The following MYO18B variants were observed in gnomAD, a reference collection of about 807,000 sequenced individuals.
MYO18B encodes myosin XVIIIB.
A neutral mutation model predicts 273.0 loss-of-function variants in MYO18B; 204 were observed. That is an observed-to-expected ratio of 0.75 (90% CI 0.67 to 0.84). The LOEUF is 0.84. Ranked by LOEUF, MYO18B falls within the 40% of genes least tolerant of loss-of-function variation. MYO18B has a pLI of 0.00. For synonymous variants in MYO18B, 1,330 were observed against 1,305.7 expected, an observed-to-expected ratio of 1.02 and a Z score of -0.40; for missense variants, 3,212 against 3,287.6, an observed-to-expected ratio of 0.98 and a Z score of 0.56.
the MYO18B span, among the ~76,000 whole-genome samples, chr22:26,043,511 C>CTTTT: frequency 6.5e-5 from 8 of 122,990 alleles, no homozygotes; most frequent in Non-Finnish European, 1.2e-4. Flanking sequence ...TTTTTTCTTT[C>CTTTT]TTTTTTTTTT....
chr22:26,020,775 G>A (rs1434779244), intron 42 of MYO18B, among the ~76,000 whole-genome samples: 2 of 152,086 alleles, frequency 1.3e-5, no homozygotes, highest in Non-Finnish European at 2.9e-5. Context: ...TCTTACACCT[G>A]TGCAAGTTCA....
At chr22:26,061,032 A>C in the MYO18B span, among the ~76,000 whole-genome samples, 1 of 103,390 alleles carries the variant, frequency 9.7e-6, no homozygotes. Flanking sequence ...CACACAATTC[A>C]GTCAGCATCT....
intron 40 of MYO18B, among the ~76,000 whole-genome samples, chr22:26,001,184 A>G (rs367606378): frequency 1.3e-5 from 2 of 152,030 alleles, no homozygotes; most frequent in South Asian, 2.1e-4. Flanking sequence ...CATATAAACT[A>G]TTGGCCTAGT....
At chr22:25,935,259 G>A (rs1488085676) in intron 34 of MYO18B, among the ~76,000 whole-genome samples, 1 of 152,206 alleles carries the variant, frequency 6.6e-6, no homozygotes, top group African/African-American at 2.4e-5. Flanking sequence ...AGGTCAGGAG[G>A]AGAGTGAGCA....
chr22:25,921,500 C>G, intron 34 of MYO18B, 91 bp downstream of exon 34: 1 of 1,451,854 alleles, frequency 6.9e-7, no homozygotes, highest in Non-Finnish European at 9.3e-7. Context: ...TGAGCGGAAC[C>G]ATGGTGCCAA....
chr22:26,030,245 C>T (rs1601878479), intron 43 of MYO18B, among the ~76,000 whole-genome samples, 198 bp from the exon 44 acceptor site: 3 of 152,288 alleles, frequency 2.0e-5, no homozygotes, highest in South Asian at 2.1e-4. Flanking sequence ...GGTGTAGTGA[C>T]ATGCACCTGT....
At chr22:26,015,095 A>G (rs1309313640) in intron 42 of MYO18B, among the ~76,000 whole-genome samples, 1 of 152,134 alleles carries the variant, frequency 6.6e-6, no homozygotes, top group East Asian at 1.9e-4. Context: ...CTTTGGTTGC[A>G]ATTGCTTTTG....
At position 26,027,443 on chromosome 22, in the gene MYO18B, C is replaced by T; in HGVS notation, c.7469C>T (p.Thr2490Ile). 6.2e-7 allele frequency: 1 copy of T among 1,614,002 alleles called. No individual in the cohort carries two copies. The highest frequency in any genetic ancestry group is 8.5e-7 in the Non-Finnish European group (1 of 1,179,892). The change falls in exon 43 of 44, where the codon ACC becomes ATC. Residue 2490 changes from threonine (T) to isoleucine (I), a missense_variant. Coordinates refer to ENST00000335473, the MANE Select transcript of MYO18B (RefSeq NM_032608.7). This position sits in a 1 kb window ranked among gnomAD's most constrained non-coding sequence, Gnocchi z 4.1. ...CGTTCCTTTCTCTCGGGGATCAAGACCATTTTGAAGAAGAGCCCGGAGCCC... is the reference window on the plus strand; with the variant it reads ...CGTTCCTTTCTCTCGGGGATCAAGATCATTTTGAAGAAGAGCCCGGAGCCC... ...ANRSFLSGIK[T>I]ILKKSPEPKE...
At chr22:25,798,189 G>A (rs775171144) in intron 12 of MYO18B, 92 bp downstream of exon 12, 28 of 1,413,392 alleles carry the variant, frequency 2.0e-5, no homozygotes, top group Non-Finnish European at 2.6e-5. Context: ...GTGGGAACAG[G>A]GTCAATCTGT....
chr22:25,766,293 C>T (rs556386460), intron 3 of MYO18B, among the ~76,000 whole-genome samples: 84 of 151,926 alleles, frequency 5.5e-4, no homozygotes, highest in African/African-American at 1.9e-3. Context: ...GTTGTTCCTT[C>T]GGAGGATTAA....
At chr22:25,820,315 C>A (rs16980808) in intron 12 of MYO18B, among the ~76,000 whole-genome samples, 6,199 of 151,860 alleles carry the variant, frequency 0.041, 311 homozygotes, top group East Asian at 0.21. Context: ...TGATTGGGGC[C>A]AGACCTCTTC....
chr22:25,943,682 A>G (rs1298090444), intron 34 of MYO18B, among the ~76,000 whole-genome samples: 2 of 146,794 alleles, frequency 1.4e-5, no homozygotes, highest in Non-Finnish European at 3.0e-5. Flanking sequence ...GCACATGGCC[A>G]TCTACTTTGC....
intron 3 of MYO18B, among the ~76,000 whole-genome samples, chr22:25,767,574 G>A (rs1303167789): frequency 6.6e-6 from 1 of 152,204 alleles, no homozygotes. Flanking sequence ...AAGCCTAGCT[G>A]GAGAGTGTTA....
intron 12 of MYO18B, among the ~76,000 whole-genome samples, chr22:25,810,410 T>C (rs1359584942): frequency 6.8e-6 from 1 of 146,664 alleles, no homozygotes; most frequent in Non-Finnish European, 1.5e-5. Flanking sequence ...CTTCAGGCTT[T>C]TTTTTTTTTT....
At chr22:25,967,799 A>G (rs533463354) in intron 39 of MYO18B, among the ~76,000 whole-genome samples, 1 of 152,350 alleles carries the variant, frequency 6.6e-6, no homozygotes, top group East Asian at 1.9e-4. Context: ...AATGATGCCA[A>G]CAGGCTGAAT....
intron 27 of MYO18B, among the ~76,000 whole-genome samples, chr22:25,892,979 T>A (rs1367139376): frequency 6.6e-6 from 1 of 152,208 alleles, no homozygotes; most frequent in African/African-American, 2.4e-5. Flanking sequence ...GGGGGACATG[T>A]GCTTAGCTCA....
intron 42 of MYO18B, among the ~76,000 whole-genome samples, chr22:26,023,511 C>G (rs893570236): frequency 1.3e-5 from 2 of 151,718 alleles, no homozygotes; most frequent in Non-Finnish European, 2.9e-5. Flanking sequence ...CCTCCCTCCT[C>G]CTCCCTCCTC....
chr22:25,980,805 T>C (rs1028698565), intron 39 of MYO18B, among the ~76,000 whole-genome samples: 5 of 152,162 alleles, frequency 3.3e-5, no homozygotes, highest in African/African-American at 1.2e-4. Context: ...TATAACAAAG[T>C]GCCACCAACT....
chr22:26,056,565 T>C, the MYO18B span, among the ~76,000 whole-genome samples: 5 of 152,184 alleles, frequency 3.3e-5, no homozygotes, highest in Non-Finnish European at 5.9e-5. Flanking sequence ...GCCACAAGAA[T>C]CTAACTTGAT....
Sources: allele counts gnomAD v4.1 joint callset (sites outside exome capture counted in the v4.1 genomes callset), GRCh38; gene constraint gnomAD v4.1.1; non-coding constraint Gnocchi (gnomAD v3.1); transcripts MANE v1.5; gene names NCBI Gene and HGNC (gene_info 2026-07-23, HGNC 2026-07-21).